Variants in EIF2S3 observed in about 807,000 individuals in gnomAD.
EIF2S3 encodes the protein eukaryotic translation initiation factor 2 subunit 3.
EIF2S3 carries 2 observed loss-of-function variants against 31.7 expected under a neutral mutation model. The ratio of observed to expected loss-of-function variants is 0.06; its 90% CI spans 0.03 to 0.20. The LOEUF is 0.20. Among genes scored for constraint, EIF2S3 ranks in the 10% least tolerant of loss-of-function variants. The probability of loss-of-function intolerance (pLI) is 1.00; values close to 1 mark genes in which losing one functional copy is unlikely to be tolerated. For synonymous variants in EIF2S3, 120 were observed against 126.7 expected (o/e 0.95, Z 0.36); for missense variants, 96 against 359.3 (o/e 0.27, Z 5.92).
intron 8 of EIF2S3, 32 bp downstream of exon 8, chrX:24,066,124 GTTTT>G: frequency 1.2e-6 from 1 of 805,756 alleles, no homozygotes; most frequent in Non-Finnish European, 1.7e-6. Context: ...GTGATTTTGG[GTTTT>G]TTTTTTTTGT....
chrX:24,060,308 C>T (rs1328295951), intron 5 of EIF2S3, 126 bp downstream of exon 5: 8 of 535,367 alleles, frequency 1.5e-5, no homozygotes, highest in Non-Finnish European at 2.5e-5. Context: ...TGGGAACTAA[C>T]ATGTCATCCA....
At chrX:24,075,389 C>T (rs1023187126) in intron 11 of EIF2S3, among the ~76,000 whole-genome samples, 8 of 110,972 alleles carry the variant, frequency 7.2e-5, no homozygotes, top group Non-Finnish European at 1.3e-4. Flanking sequence ...ACTTTTTGCT[C>T]TTTCCCAGGT....
At chrX:24,064,427 T>C in intron 7 of EIF2S3, 92 bp downstream of exon 7, 1 of 1,019,635 alleles carries the variant, frequency 9.8e-7, no homozygotes, top group Non-Finnish European at 1.3e-6. Context: ...TTCCTCTTTC[T>C]GCAGAGGTGA....
chrX:24,062,043 G>T (rs1410301769), intron 5 of EIF2S3, among the ~76,000 whole-genome samples: 2 of 111,445 alleles, frequency 1.8e-5, no homozygotes, highest in Non-Finnish European at 3.8e-5. Context: ...TCCTTATTAG[G>T]GTTAGAACAT....
chrX:24,069,084 AAG>A (rs1175302898), intron 9 of EIF2S3, among the ~76,000 whole-genome samples: 3 of 111,583 alleles, frequency 2.7e-5, no homozygotes, highest in Non-Finnish European at 5.7e-5. Context: ...AAAAATGAAA[AAG>A]AGTTTACCAG....
At chrX:24,064,824 C>A (rs146578591) in intron 7 of EIF2S3, among the ~76,000 whole-genome samples, 1,255 of 111,366 alleles carry the variant, frequency 0.011, 18 homozygotes, top group African/African-American at 0.039. Context: ...AGTGAAACTG[C>A]GTCTCAAAAA....
Position 24,055,011 on chromosome X carries a change from C to G in EIF2S3, c.43C>G (p.Leu15Val). ...TGGAGTGACTCTAGGGCAGCCGCAT[C>G]TTTCGCGTCAGGATCTCACCACCTT... ...EAGVTLGQPH[L>V]SRQDLTTLDV... The change falls in exon 1 of 12, where the codon CTT (leucine) becomes GTT (valine). Residue 15 changes from leucine to valine, a missense_variant. Leu to Val is a conservative substitution (Grantham distance 32). This residue lies in a region of EIF2S3 where 27 missense variants were observed against 21.3 expected (regional missense o/e 1.27). Coordinates refer to ENST00000253039, the MANE Select transcript of EIF2S3 (RefSeq NM_001415.4). 1 of 1,211,420 alleles carries G rather than the reference C, an allele frequency of 8.3e-7. No homozygotes were observed. The highest frequency in any genetic ancestry group is 2.2e-5 in the Admixed American group (1 of 46,023).
intron 10 of EIF2S3, among the ~76,000 whole-genome samples, chrX:24,072,147 G>C (rs1930681217): frequency 9.0e-6 from 1 of 111,688 alleles, no homozygotes; most frequent in Non-Finnish European, 1.9e-5. Flanking sequence ...CCAAAGTGCT[G>C]AGATTACAGG....
chrX:24,072,608 G>C (rs778008028), intron 10 of EIF2S3, among the ~76,000 whole-genome samples: 69 of 111,794 alleles, frequency 6.2e-4, no homozygotes, highest in African/African-American at 2.2e-3. Flanking sequence ...AAATGTCCCA[G>C]ATTAGGTTGG....
intron 11 of EIF2S3, among the ~76,000 whole-genome samples, chrX:24,076,047 G>A (rs1344175152): frequency 1.8e-5 from 2 of 111,397 alleles, no homozygotes; most frequent in East Asian, 5.6e-4. Context: ...GCCCACGATG[G>A]TCTCATCACT....
intron 10 of EIF2S3, 49 bp from the exon 11 acceptor site, chrX:24,073,042 A>G: frequency 8.7e-7 from 1 of 1,144,411 alleles, no homozygotes; most frequent in Non-Finnish European, 1.2e-6. Context: ...ACATTTGGAA[A>G]GCATTTTCTT....
chrX:24,059,773 CATT>C (rs1384696289), intron 4 of EIF2S3, among the ~76,000 whole-genome samples: 1 of 111,700 alleles, frequency 9.0e-6, no homozygotes, highest in African/African-American at 3.3e-5. Context: ...TTTTATAAGT[CATT>C]ATAAGTTTTA....
At chrX:24,065,129 C>T (rs915209609) in intron 7 of EIF2S3, among the ~76,000 whole-genome samples, 1 of 111,541 alleles carries the variant, frequency 9.0e-6, no homozygotes, top group African/African-American at 3.3e-5. Context: ...CTCCGAAGTG[C>T]AGGTCATGTA....
At chrX:24,063,669 G>A (rs1342670233) in intron 6 of EIF2S3, among the ~76,000 whole-genome samples, 1 of 110,646 alleles carries the variant, frequency 9.0e-6, no homozygotes, top group Non-Finnish European at 1.9e-5. Context: ...CTATTATGTA[G>A]GAGGCTGAAG....
In EIF2S3 at chrX:24,065,975, G is replaced by A. The variant is rs1481126615; in HGVS notation, c.773-23G>A. On this transcript the variant is annotated intron_variant, in intron 7 of 11. Coordinates refer to ENST00000253039, the MANE Select transcript of EIF2S3 (RefSeq NM_001415.4). ...TTCTAAAGTTAAGATTAACAGAACT[G>A]ACTTTAATTTGTTTTATTTTAGTTA... is the stretch of plus-strand genomic sequence containing the variant. 2.6e-6 allele frequency: 3 copies of A among 1,140,898 alleles called. No homozygotes were observed. The South Asian group carries it at 5.8e-5, about 22-fold the overall frequency. The allele number at this position is 1,140,898 out of a possible 1,213,427, so 94.0% of individuals were successfully genotyped here. A position where few individuals can be genotyped will look rare whatever the true frequency, so the allele number is the denominator to read the frequency against.
chrX:24,059,283 A>C (rs375075571), intron 4 of EIF2S3, among the ~76,000 whole-genome samples: 1 of 112,114 alleles, frequency 8.9e-6, no homozygotes, highest in Admixed American at 9.5e-5. Flanking sequence ...AGATCATGAC[A>C]ATGTGAGCAT....
intron 5 of EIF2S3, 43 bp from the exon 6 acceptor site, chrX:24,062,373 C>A: frequency 8.6e-7 from 1 of 1,158,945 alleles, no homozygotes; most frequent in Non-Finnish European, 1.1e-6. Context: ...CTGGATATTT[C>A]CAGCTATTCT....
chrX:24,065,036 C>T (rs1930550486), intron 7 of EIF2S3, among the ~76,000 whole-genome samples: 1 of 111,679 alleles, frequency 9.0e-6, no homozygotes, highest in Non-Finnish European at 1.9e-5. Flanking sequence ...GGTTCCTACA[C>T]GGGGATGTAG....
At chrX:24,065,811 A>G (rs1930563632) in intron 7 of EIF2S3, among the ~76,000 whole-genome samples, 187 bp from the exon 8 acceptor site, 1 of 111,704 alleles carries the variant, frequency 9.0e-6, no homozygotes, top group Non-Finnish European at 1.9e-5. Flanking sequence ...AATAAACTTA[A>G]GTTACTTTCA....
Sources: gnomAD v4.1 joint callset for allele counts (sites outside exome capture counted in the v4.1 genomes callset) on GRCh38, gnomAD v4.1.1 for gene constraint, gnomAD v4.1.1 regional missense constraint, MANE v1.5 for transcripts, NCBI Gene and HGNC (gene_info 2026-07-23, HGNC 2026-07-21) for gene names.